The following STXBP6 variants were observed in gnomAD, a reference collection of about 807,000 sequenced individuals.
The protein encoded by STXBP6 is syntaxin binding protein 6.
A neutral mutation model predicts 26.9 loss-of-function variants in STXBP6; 21 were observed. The observed-to-expected ratio is 0.78, with a 90% confidence interval of 0.55 to 1.12. The LOEUF (loss-of-function observed/expected upper bound fraction) is 1.12, where lower values mean the gene tolerates loss of function less well. Ranked by LOEUF, STXBP6 falls within the 50% of genes most tolerant of loss-of-function variation. The pLI is 0.00. For synonymous variants in STXBP6, 97 were observed against 92.6 expected (o/e 1.05, Z -0.27); for missense variants, 232 against 257.9 (o/e 0.90, Z 0.69).
intron 2 of STXBP6, among the ~76,000 whole-genome samples, chr14:24,930,421 T>C (rs960561554): frequency 3.9e-5 from 6 of 152,266 alleles, no homozygotes; most frequent in Non-Finnish European, 8.8e-5. Context: ...ACAACATTTT[T>C]ACCTGTGTAT....
chr14:25,015,475 G>A (rs1437133839), intron 1 of STXBP6, among the ~76,000 whole-genome samples: 2 of 151,626 alleles, frequency 1.3e-5, no homozygotes, highest in Admixed American at 1.3e-4. Flanking sequence ...CACCTGGCAA[G>A]ACAATATTCT....
chr14:24,998,397 G>A (rs1453955497), intron 1 of STXBP6, among the ~76,000 whole-genome samples: 2 of 152,000 alleles, frequency 1.3e-5, no homozygotes, highest in East Asian at 3.9e-4. Context: ...TCTGAACTTC[G>A]GTGTTTTTGT....
At chr14:25,016,977 T>C (rs1032611280) in intron 1 of STXBP6, among the ~76,000 whole-genome samples, 26 of 152,202 alleles carry the variant, frequency 1.7e-4, no homozygotes, top group African/African-American at 6.3e-4. Context: ...GTATAGTACA[T>C]AGTGCGGAGT....
At chr14:24,997,829 T>C (rs1473782567) in intron 1 of STXBP6, among the ~76,000 whole-genome samples, 2 of 152,120 alleles carry the variant, frequency 1.3e-5, no homozygotes. Flanking sequence ...TAAGTACAAC[T>C]TTTCTTTTTA....
chr14:25,043,892 C>A (rs995572831), intron 1 of STXBP6, among the ~76,000 whole-genome samples: 1 of 152,120 alleles, frequency 6.6e-6, no homozygotes, highest in African/African-American at 2.4e-5. Context: ...AAGAATAAGG[C>A]TGCTGGCCAG....
chr14:24,885,241 C>T (rs766834584), intron 2 of STXBP6, among the ~76,000 whole-genome samples: 8 of 152,174 alleles, frequency 5.3e-5, no homozygotes, highest in African/African-American at 1.9e-4. Flanking sequence ...ACACCTGATA[C>T]GTTGGAATTG....
rs1374571674 is a variant in STXBP6, at chr14:24,976,919, G to A, written c.-32-2069C>T. Reference sequence around the variant, plus strand: ...GCTTTATCACCCAGGCTGGAGTGCAGTGGTACAATCTTGACTCACTGCAAC... The same window carrying A: ...GCTTTATCACCCAGGCTGGAGTGCAATGGTACAATCTTGACTCACTGCAAC... On this transcript the variant is annotated intron_variant, in intron 1 of 5. Transcript: ENST00000323944. Among the ~76,000 whole-genome samples the A allele has an allele frequency of 1.1e-4, 14 of 132,876 alleles. No homozygotes were observed. The East Asian group carries it at 3.0e-3, about 28-fold the overall frequency. The allele number at this position is 132,876 out of a possible 152,430, so 87.2% of individuals were successfully genotyped here.
At chr14:24,975,572 T>C (rs2074023508) in intron 1 of STXBP6, among the ~76,000 whole-genome samples, 1 of 152,186 alleles carries the variant, frequency 6.6e-6, no homozygotes, top group South Asian at 2.1e-4. Flanking sequence ...TAATGCTAAG[T>C]ATTTTGGAAA....
At chr14:25,021,818 A>T (rs565529891) in intron 1 of STXBP6, among the ~76,000 whole-genome samples, 1 of 152,278 alleles carries the variant, frequency 6.6e-6, no homozygotes, top group African/African-American at 2.4e-5. Context: ...AGGCCTTGCT[A>T]CCCATAGGGG....
chr14:24,963,972 A>T (rs1330437918), intron 2 of STXBP6, among the ~76,000 whole-genome samples: 3 of 90,852 alleles, frequency 3.3e-5, no homozygotes, highest in Non-Finnish European at 6.9e-5. Flanking sequence ...CAAGTTTCTA[A>T]AAAAAAAAAA....
intron 1 of STXBP6, among the ~76,000 whole-genome samples, chr14:25,036,314 T>C (rs1222690678): frequency 6.6e-6 from 1 of 151,438 alleles, no homozygotes; most frequent in African/African-American, 2.4e-5. Context: ...GGAAGAGGGC[T>C]AGTGTGGTGG....
chr14:24,954,823 T>G, intron 2 of STXBP6, among the ~76,000 whole-genome samples: 1 of 152,202 alleles, frequency 6.6e-6, no homozygotes, highest in East Asian at 1.9e-4. Context: ...GACATAGAAG[T>G]GGCTTTAGGA....
At chr14:24,905,567 C>G (rs2071358880) in intron 2 of STXBP6, among the ~76,000 whole-genome samples, 1 of 152,280 alleles carries the variant, frequency 6.6e-6, no homozygotes, top group Middle Eastern at 3.4e-3. Flanking sequence ...CTAAAAATAA[C>G]ATGCAATCTG....
chr14:24,999,239 A>G (rs554108829), intron 1 of STXBP6, among the ~76,000 whole-genome samples: 2 of 152,288 alleles, frequency 1.3e-5, no homozygotes, highest in African/African-American at 2.4e-5. Context: ...CCTTAGGCGT[A>G]TCTTATTCAG....
rs2067765181 is a variant in STXBP6 at position 24,809,594 on chromosome 14, G to A, written c.*3115C>T. 1 of 152,122 alleles carries A rather than the reference G, an allele frequency of 6.6e-6. No homozygotes were observed. The allele number at this position is 152,122 out of a possible 1,614,324, so 9.4% of individuals were successfully genotyped here. A position where few individuals can be genotyped will look rare whatever the true frequency, so the allele number is the denominator to read the frequency against. ...ATTTTCCTATTAGCATAAAAAATGT[G>A]GTGACATGTACTTATTTGGTAGTGT... On this transcript the variant is annotated 3_prime_UTR_variant, in exon 6 of 6. Transcript: ENST00000323944.
intron 1 of STXBP6, among the ~76,000 whole-genome samples, chr14:24,999,121 C>T (rs771506152): frequency 4.6e-5 from 7 of 152,130 alleles, no homozygotes; most frequent in African/African-American, 7.2e-5. Context: ...ATGCATTTAA[C>T]ACCCCAATAA....
intron 1 of STXBP6, among the ~76,000 whole-genome samples, chr14:25,034,186 T>G (rs1429176847): frequency 6.6e-6 from 1 of 152,088 alleles, no homozygotes; most frequent in African/African-American, 2.4e-5. Flanking sequence ...ACCCAAACAC[T>G]TACTGAAAGA....
chr14:24,905,565 A>T (rs1213890755), intron 2 of STXBP6, among the ~76,000 whole-genome samples: 3 of 152,210 alleles, frequency 2.0e-5, no homozygotes, highest in African/African-American at 7.2e-5. Context: ...ACCTAAAAAT[A>T]ACATGCAATC....
chr14:24,858,186 G>T (rs902258733), intron 2 of STXBP6, among the ~76,000 whole-genome samples: 4 of 152,062 alleles, frequency 2.6e-5, no homozygotes, highest in South Asian at 4.1e-4. Flanking sequence ...ATGGCAAAAA[G>T]AATTCTGAAG....
Sources: allele counts gnomAD v4.1 joint callset (sites outside exome capture counted in the v4.1 genomes callset), GRCh38; gene constraint gnomAD v4.1.1; transcripts MANE v1.5; gene names NCBI Gene and HGNC (gene_info 2026-07-23, HGNC 2026-07-21).